Variants in RGL3 observed in about 807,000 individuals in gnomAD.
The protein encoded by RGL3 is ral guanine nucleotide dissociation stimulator-like 3.
In RGL3, 85 loss-of-function variants were observed where a neutral mutation model predicts 90.6. That is an observed-to-expected ratio of 0.94 (90% CI 0.79 to 1.12). The LOEUF (loss-of-function observed/expected upper bound fraction) is 1.12, where lower values mean the gene tolerates loss of function less well. RGL3 is among the 50% of genes most tolerant of loss of function. RGL3 has a pLI of 0.00. For missense variants in RGL3, 1,034 were observed against 939.2 expected (o/e 1.10, Z -1.32); for synonymous variants, 408 against 385.5 (o/e 1.06, Z -0.68).
Position 11,394,359 on chromosome 19 carries a change from C to G in RGL3, c.*43G>C, listed in dbSNP as rs1200627976. 1.3e-6 allele frequency: 2 copies of G among 1,487,640 alleles called. No individual in the cohort carries two copies. The highest frequency in any genetic ancestry group is 2.3e-5 in the East Asian group (1 of 44,240). The allele number at this position is 1,487,640 out of a possible 1,614,324, so 92.2% of individuals were successfully genotyped here. On this transcript the variant is annotated 3_prime_UTR_variant, in exon 19 of 19. Transcript: ENST00000380456. ...AGCTTTCCAGGAGAAGAGTCGCAAGCTTGCCTGTGGGACTTGTGTCTTGTG... is the reference window on the plus strand; with the variant it reads ...AGCTTTCCAGGAGAAGAGTCGCAAGGTTGCCTGTGGGACTTGTGTCTTGTG...
At position 11,415,946 on chromosome 19, in the gene RGL3, C is replaced by T; in HGVS notation, c.628G>A (p.Val210Met). ...EREQEEEPPQVWTGPPRVAQT... is the reference protein window; with the variant it reads ...EREQEEEPPQMWTGPPRVAQT... ...TCTGAAAACCCCTCACCTGTCCACA[C>T]CTGAGGCGGCTCCTCTTCCTGCTCT... The change falls in exon 5 of 19, where the codon GTG becomes ATG. Residue 210 changes from valine to methionine, a missense_variant. Transcript: ENST00000380456. 1 of 1,613,252 alleles carries T rather than the reference C, an allele frequency of 6.2e-7. No homozygotes were observed. Among genetic ancestry groups the T allele is most frequent in the Non-Finnish European group, 8.5e-7 (1 of 1,179,580 alleles).
intron 2 of RGL3, among the ~76,000 whole-genome samples, chr19:11,418,013 T>C (rs1036019096): frequency 6.6e-6 from 1 of 151,992 alleles, no homozygotes; most frequent in Non-Finnish European, 1.5e-5. Context: ...TTATTTTTAT[T>C]AGAGAGAATC....
intron 16 of RGL3, among the ~76,000 whole-genome samples, chr19:11,399,029 C>A (rs528891548): frequency 1.3e-5 from 2 of 152,204 alleles, no homozygotes; most frequent in South Asian, 4.1e-4. Flanking sequence ...GTGGCATGAT[C>A]GTAGCTCACT....
In RGL3 at chr19:11,405,197, T is replaced by C. The variant is rs766580132; in HGVS notation, c.1135A>G (p.Ile379Val). 5.0e-6 allele frequency: 8 copies of C among 1,613,980 alleles called. No homozygotes were observed. The highest frequency in any genetic ancestry group is 3.3e-5 in the Admixed American group (2 of 59,984). The stretch of plus-strand genomic sequence containing the variant: ...AGGTGGTTGTTCTCATCGGAGAAAA[T>C]CTGCGAAAGTTTCCTGAAAGTAGAT... Reference protein sequence around the residue: ...PLSTFRKLSQIFSDENNHLSS... With the variant: ...PLSTFRKLSQVFSDENNHLSS... The change falls in exon 9 of 19, where the codon ATT (isoleucine) becomes GTT (valine). Residue 379 changes from isoleucine to valine, a missense_variant. Transcript: ENST00000380456.
At chr19:11,407,975 G>C (rs1262282408) in intron 5 of RGL3, among the ~76,000 whole-genome samples, 1 of 151,820 alleles carries the variant, frequency 6.6e-6, no homozygotes, top group East Asian at 1.9e-4. Context: ...GGTAAGCTGT[G>C]CCTTCTTTTT....
chr19:11,414,231 TTATA>T (rs549575988), intron 5 of RGL3, among the ~76,000 whole-genome samples: 1 of 72,474 alleles, frequency 1.4e-5, no homozygotes, highest in African/African-American at 5.7e-5. Context: ...ATATATACCT[TTATA>T]TATATATATA....
At chr19:11,395,418 C>T (rs1442630100) in intron 18 of RGL3, among the ~76,000 whole-genome samples, 1 of 152,160 alleles carries the variant, frequency 6.6e-6, no homozygotes. Flanking sequence ...CAATCTCATG[C>T]TTCCGCGGCT....
At position 11,416,085 on chromosome 19, in the gene RGL3, A is replaced by AGGG. The variant is rs1555720466; in HGVS notation, c.486_488dup (p.Pro163dup). ...GGACACTGCCCAGGTCCGAATGGGC[A>AGGG]GGGTGGTCTCGGAAATCCTGAGGGT... On this transcript the variant is annotated inframe_insertion, in exon 5 of 19. Transcript: ENST00000380456. The AGGG allele has an allele frequency of 4.3e-6, 7 of 1,609,558 alleles. No homozygotes were observed. Among genetic ancestry groups the AGGG allele is most frequent in the Non-Finnish European group, 5.9e-6 (7 of 1,178,348 alleles).
chr19:11,414,501 A>ATATATATATATATATATACC (rs1278984667), intron 5 of RGL3, among the ~76,000 whole-genome samples: 5 of 75,948 alleles, frequency 6.6e-5, no homozygotes, highest in African/African-American at 2.0e-4. Flanking sequence ...ATATATATAT[A>ATATATATATATATATATACC]TATATATATA....
At chr19:11,397,774 C>T (rs1055838075) in intron 16 of RGL3, 177 bp from the exon 17 acceptor site, 5 of 567,538 alleles carry the variant, frequency 8.8e-6, no homozygotes, top group East Asian at 3.4e-5. Flanking sequence ...TTTGGGAGGC[C>T]GAGGTGGGCG....
intron 5 of RGL3, among the ~76,000 whole-genome samples, chr19:11,413,253 G>C (rs1968902441): frequency 6.8e-6 from 1 of 146,970 alleles, no homozygotes; most frequent in African/African-American, 2.5e-5. Flanking sequence ...AAAAAAAAGC[G>C]GGCCAGGCAT....
At chr19:11,398,278 A>G (rs770102596) in intron 16 of RGL3, among the ~76,000 whole-genome samples, 8 of 151,754 alleles carry the variant, frequency 5.3e-5, no homozygotes, top group Non-Finnish European at 1.0e-4. Context: ...CCAATGAACA[A>G]CCCCACACAT....
chr19:11,402,348 TG>T, intron 11 of RGL3, 101 bp from the exon 12 acceptor site: 1 of 1,581,604 alleles, frequency 6.3e-7, no homozygotes, highest in South Asian at 1.1e-5. Context: ...TAAGGGAGTG[TG>T]GGGTGGTGTC....
chr19:11,403,212 T>C (rs895579621), intron 9 of RGL3, among the ~76,000 whole-genome samples: 4 of 151,102 alleles, frequency 2.6e-5, no homozygotes, highest in Non-Finnish European at 4.4e-5. Flanking sequence ...ATTTTTTGTA[T>C]TTTTAGTAGA....
chr19:11,416,469 G>A (rs1429776467), intron 4 of RGL3, 145 bp downstream of exon 4: 2 of 832,370 alleles, frequency 2.4e-6, no homozygotes, highest in South Asian at 1.4e-5. Flanking sequence ...AAAGTGTTGG[G>A]ATTACAGGCA....
intron 4 of RGL3, 86 bp from the exon 5 acceptor site, chr19:11,416,234 T>A: frequency 1.1e-6 from 1 of 871,334 alleles, no homozygotes; most frequent in Non-Finnish European, 1.6e-6. Flanking sequence ...TTTTTTTTTT[T>A]TTGAGATAGA....
intron 5 of RGL3, among the ~76,000 whole-genome samples, chr19:11,414,745 G>A (rs910080463): frequency 3.3e-5 from 5 of 151,540 alleles, no homozygotes; most frequent in African/African-American, 1.2e-4. Context: ...AAACTAATCT[G>A]TGTTGTTCCT....
In RGL3 at chr19:11,416,060, G is replaced by A. The variant is rs373956384; in HGVS notation, c.514C>T (p.Arg172Ter). ...HPAHSDLGSV[R>*]TFLGWAAPGS... is the part of the protein sequence containing the mutation. The stretch of plus-strand genomic sequence containing the variant: ...GGGGCCGCCCAGCCCAGAAAGGTTC[G>A]GACACTGCCCAGGTCCGAATGGGCA... The change falls in exon 5 of 19, where the codon CGA becomes TGA. Residue 172 changes from arginine (R) to a stop codon, truncating the protein, a stop_gained. Transcript: ENST00000380456. LOFTEE classifies it high-confidence loss of function. 1.5e-5 allele frequency: 24 copies of A among 1,613,446 alleles called. No homozygotes were observed. Among genetic ancestry groups the A allele is most frequent in the African/African-American group, 5.3e-5 (4 of 74,836 alleles).
chr19:11,396,130 CTCTCTCTATA>C (rs1486562780), intron 18 of RGL3, among the ~76,000 whole-genome samples: 7 of 49,234 alleles, frequency 1.4e-4, no homozygotes, highest in African/African-American at 2.7e-4. Flanking sequence ...CTCTCTCTCT[CTCTCTCTATA>C]TATATATATA....
Sources: allele counts gnomAD v4.1 joint callset (sites outside exome capture counted in the v4.1 genomes callset), GRCh38; gene constraint gnomAD v4.1.1; transcripts MANE v1.5; gene names NCBI Gene and HGNC (gene_info 2026-07-23, HGNC 2026-07-21).